Variants in PATJ observed in about 807,000 individuals in gnomAD.
PATJ encodes the protein inaD-like protein.
Under a neutral mutation model 224.9 loss-of-function variants are expected in PATJ, and 190 were observed. The observed-to-expected ratio is 0.84, with a 90% confidence interval of 0.75 to 0.95. PATJ has a LOEUF of 0.95. Ranked by LOEUF, PATJ falls within the 40% of genes least tolerant of loss-of-function variation. The pLI is 0.00. For synonymous variants in PATJ, 769 were observed against 820.3 expected, an observed-to-expected ratio of 0.94 and a Z score of 1.07; for missense variants, 2,121 against 2,270.3, an observed-to-expected ratio of 0.93 and a Z score of 1.34.
At chr1:61,944,915 C>T (rs1489793466) in intron 27 of PATJ, among the ~76,000 whole-genome samples, 1 of 152,130 alleles carries the variant, frequency 6.6e-6, no homozygotes, top group African/African-American at 2.4e-5. Context: ...GAGTGGGTGC[C>T]AATATTCAAC....
intron 21 of PATJ, among the ~76,000 whole-genome samples, chr1:61,877,635 G>A (rs536146037): frequency 1.1e-3 from 161 of 152,066 alleles, no homozygotes; most frequent in Non-Finnish European, 6.8e-4. Flanking sequence ...GAAGACATGC[G>A]TGCTTCCCCT....
intron 27 of PATJ, among the ~76,000 whole-genome samples, chr1:61,931,197 A>C (rs982664698): frequency 6.6e-6 from 1 of 152,174 alleles, no homozygotes; most frequent in Non-Finnish European, 1.5e-5. Flanking sequence ...AGAAGTGTTT[A>C]TTGAGTGGAT....
At chr1:61,810,015 T>C (rs549213237) in intron 14 of PATJ, among the ~76,000 whole-genome samples, 72 of 151,850 alleles carry the variant, frequency 4.7e-4, no homozygotes, top group African/African-American at 1.7e-3. Context: ...CCCCGGCTAA[T>C]TTTTTTCTTT....
intron 43 of PATJ, among the ~76,000 whole-genome samples, chr1:62,154,127 C>T (rs151040323): frequency 0.034 from 5,222 of 152,180 alleles, 108 homozygotes; most frequent in Non-Finnish European, 0.046. Context: ...AACTACTGAG[C>T]TCAGGCGATC....
intron 28 of PATJ, among the ~76,000 whole-genome samples, chr1:61,996,493 A>G (rs1475973344): frequency 6.6e-6 from 1 of 152,208 alleles, no homozygotes; most frequent in Non-Finnish European, 1.5e-5. Flanking sequence ...AAGATTACTT[A>G]TAATTTATAG....
rs1268755754 is a variant in PATJ, at chr1:61,997,962, T to C, written c.3867+7598T>C. ...CCTCCTGAGTAGCTAGAACTATAGG[T>C]GCATGCCACTGTGCCCAGCTTATAT... On this transcript the variant is annotated intron_variant, in intron 28 of 43. Transcript: ENST00000642238. Among the ~76,000 whole-genome samples, 3 of 132,952 alleles carry C rather than the reference T, an allele frequency of 2.3e-5. No homozygotes were observed. The East Asian group carries it at 6.9e-4, about 31-fold the overall frequency. 87.2% of individuals were successfully genotyped at this position (132,952 alleles called of 152,430 possible).
intron 29 of PATJ, among the ~76,000 whole-genome samples, chr1:62,026,433 T>A (rs1199953085): frequency 2.6e-5 from 4 of 151,526 alleles, no homozygotes; most frequent in African/African-American, 9.7e-5. Context: ...GCCTGGTGAG[T>A]TGTGTTGATG....
chr1:61,753,519 T>A (rs995152552), intron 1 of PATJ, among the ~76,000 whole-genome samples: 3 of 148,496 alleles, frequency 2.0e-5, no homozygotes, highest in South Asian at 2.1e-4. Flanking sequence ...ATTACATATT[T>A]TTTTTTTTTT....
intron 14 of PATJ, among the ~76,000 whole-genome samples, chr1:61,813,334 C>CATATAT (rs747640923): frequency 1.9e-3 from 121 of 62,872 alleles, no homozygotes; most frequent in South Asian, 4.5e-3. Flanking sequence ...ATGGAATGTA[C>CATATAT]ATATATATAT....
intron 41 of PATJ, among the ~76,000 whole-genome samples, chr1:62,133,747 T>C (rs971485831): frequency 7.2e-6 from 1 of 138,158 alleles, no homozygotes; most frequent in Non-Finnish European, 1.5e-5. Context: ...AGAATTTGCT[T>C]TTTTTTTTTT....
Position 61,886,819 on chromosome 1 carries a change from C to CAAAAAAAAAAAAAAAAAA in PATJ, c.3131+2423_3131+2424insAAAAAAAAAAAAAAAAAA, listed in dbSNP as rs35950461. ...TGGGCAACAGAGCAAGACCCCATCT[C>CAAAAAAAAAAAAAAAAAA]AAAAAAAAAAAATTAGCCTGTTGTG... On this transcript the variant is annotated intron_variant, in intron 22 of 43. Coordinates refer to ENST00000642238, the MANE Select transcript of PATJ (RefSeq NM_001350145.3). Among the ~76,000 whole-genome samples, 189 of 87,438 alleles carry CAAAAAAAAAAAAAAAAAA rather than the reference C, an allele frequency of 2.2e-3. 68 individuals carry two copies. Among genetic ancestry groups the CAAAAAAAAAAAAAAAAAA allele is most frequent in the Non-Finnish European group, 3.5e-3 (130 of 37,332 alleles). 57.4% of individuals were successfully genotyped at this position (87,438 alleles called of 152,430 possible).
At chr1:61,904,426 G>A (rs1267679201) in intron 24 of PATJ, among the ~76,000 whole-genome samples, 1 of 152,016 alleles carries the variant, frequency 6.6e-6, no homozygotes, top group Admixed American at 6.6e-5. Flanking sequence ...GGCTCAATCC[G>A]TAGTTTATTC....
chr1:62,105,161 G>A (rs1662740663), intron 33 of PATJ, among the ~76,000 whole-genome samples: 2 of 152,192 alleles, frequency 1.3e-5, no homozygotes, highest in African/African-American at 4.8e-5. Flanking sequence ...CATCCTTTAT[G>A]TAGGATAGTT....
chr1:62,095,922 A>G (rs1472013301), intron 33 of PATJ, among the ~76,000 whole-genome samples: 1 of 152,194 alleles, frequency 6.6e-6, no homozygotes, highest in Non-Finnish European at 1.5e-5. Context: ...GTTCATTAAC[A>G]TTGAATGCAT....
chr1:61,751,833 T>TAAG (rs1176551794), intron 1 of PATJ, among the ~76,000 whole-genome samples: 1 of 147,708 alleles, frequency 6.8e-6, no homozygotes, highest in Non-Finnish European at 1.5e-5. Context: ...CTCAAAAAAA[T>TAAG]AATAATAATA....
intron 27 of PATJ, 65 bp from the exon 28 acceptor site, chr1:61,990,103 A>G: frequency 4.3e-6 from 5 of 1,170,270 alleles, no homozygotes; most frequent in South Asian, 1.5e-5. Context: ...GGATGGGGAA[A>G]TGCTGACATC....
In PATJ at chr1:61,968,424, C is replaced by T. The variant is rs377203463; in HGVS notation, c.3671-21744C>T. Among the ~76,000 whole-genome samples the T allele has an allele frequency of 5.0e-4, 76 of 152,086 alleles. No individual in the cohort carries two copies. The South Asian group carries it at 0.013, about 27-fold the overall frequency. On this transcript the variant is annotated intron_variant, in intron 27 of 43. Coordinates refer to ENST00000642238, the MANE Select transcript of PATJ (RefSeq NM_001350145.3). The stretch of plus-strand genomic sequence containing the variant: ...GACTCTTATGTTGTTTATTTTATTA[C>T]GGTAAAAAATATATAAAATTTATCA...
At chr1:61,745,367 G>A (rs1208640475) in intron 1 of PATJ, among the ~76,000 whole-genome samples, 2 of 151,186 alleles carry the variant, frequency 1.3e-5, no homozygotes, top group Non-Finnish European at 2.9e-5. Context: ...TCCACTTCCC[G>A]GGTTCAAGTG....
chr1:62,058,223 A>G (rs779310791), intron 31 of PATJ, among the ~76,000 whole-genome samples: 3 of 152,186 alleles, frequency 2.0e-5, no homozygotes, highest in Non-Finnish European at 2.9e-5. Context: ...TTGTTTTCAG[A>G]GGTAACTTAC....
Sources: allele counts gnomAD v4.1 joint callset (sites outside exome capture counted in the v4.1 genomes callset), GRCh38; gene constraint gnomAD v4.1.1; transcripts MANE v1.5; gene names NCBI Gene and HGNC (gene_info 2026-07-23, HGNC 2026-07-21).